UBR3: variants seen among roughly 807,000 people sequenced by gnomAD.
UBR3 encodes the protein E3 ubiquitin-protein ligase UBR3.
In UBR3, 85 loss-of-function variants were observed where a neutral mutation model predicts 243.2. The observed-to-expected ratio is 0.35, with a 90% CI of 0.29 to 0.42. UBR3 has a LOEUF of 0.42. Ranked by LOEUF, UBR3 falls within the 10% of genes least tolerant of loss-of-function variation. UBR3 has a pLI of 1.00. For synonymous variants in UBR3, 748 were observed against 799.8 expected, an observed-to-expected ratio of 0.94 and a Z score of 1.09; for missense variants, 1,686 against 2,300.8, an observed-to-expected ratio of 0.73 and a Z score of 5.47.
In UBR3 at chr2:169,932,989, A is replaced by G. The variant is rs1296172214; in HGVS notation, c.2644A>G (p.Met882Val). ...TVYRRDVQSAMDRYTAFLKQS... is the reference protein window; with the variant it reads ...TVYRRDVQSAVDRYTAFLKQS... ...TTACCGTAGAGATGTGCAGTCTGCA[A>G]TGGACAGATATACTGCATTGTAAGT... Residue 882 changes from methionine (M) to valine (V), a missense_variant, in exon 19 of 39, where the codon ATG becomes GTG. By Grantham distance (21) the Met-to-Val change is conservative. Coordinates refer to ENST00000272793, the MANE Select transcript of UBR3 (RefSeq NM_172070.4). 5.9e-6 allele frequency: 9 copies of G among 1,529,714 alleles called. No individual in the cohort carries two copies. The Admixed American group carries it at 9.1e-5, about 15-fold the overall frequency. The allele number at this position is 1,529,714 out of a possible 1,614,324, so 94.8% of individuals were successfully genotyped here. A position where few individuals can be genotyped will look rare whatever the true frequency, so the allele number is the denominator to read the frequency against.
chr2:169,913,349 GTTTGTTTTTTGTTTTTTTT>G (rs755677179), intron 10 of UBR3, among the ~76,000 whole-genome samples: 5 of 121,844 alleles, frequency 4.1e-5, no homozygotes, highest in Admixed American at 8.6e-5. Flanking sequence ...TTTTTTGTTT[GTTTGTTTTTTGTTTTTTTT>G]TTTGTTTTTG....
chr2:169,936,855 C>G lies in UBR3; in HGVS notation c.2663+3847C>G, dbSNP rs371767821. 2.3e-4 allele frequency among the ~76,000 whole-genome samples: 35 copies of G among 152,316 alleles called. No individual in the cohort carries two copies. The South Asian group carries it at 7.2e-3, about 32-fold the overall frequency. On this transcript the variant is annotated intron_variant, in intron 19 of 38. Transcript: ENST00000272793. The stretch of plus-strand genomic sequence containing the variant: ...GTCCGTACAAAGGACATGAACTCAT[C>G]CTTTTTTATGGCTGCATAGGATTCC...
At chr2:169,890,628 A>G (rs1183821496) in intron 5 of UBR3, among the ~76,000 whole-genome samples, 2 of 127,390 alleles carry the variant, frequency 1.6e-5, no homozygotes, top group Non-Finnish European at 3.3e-5. Context: ...AGCAGAATGT[A>G]TTTCCTTTTT....
chr2:169,999,044 C>A (rs1282134567), intron 26 of UBR3, among the ~76,000 whole-genome samples: 5 of 152,152 alleles, frequency 3.3e-5, no homozygotes, highest in Non-Finnish European at 7.4e-5. Flanking sequence ...TAAGTGTTAT[C>A]CTGCATTTTT....
chr2:169,848,819 C>G (rs191716702), intron 1 of UBR3, among the ~76,000 whole-genome samples: 57 of 151,766 alleles, frequency 3.8e-4, no homozygotes, highest in African/African-American at 1.4e-3. Flanking sequence ...TTTCCTGTTT[C>G]AACCTCCTGA....
chr2:170,045,819 C>CTATA (rs1247225253), intron 32 of UBR3, among the ~76,000 whole-genome samples: 1 of 151,964 alleles, frequency 6.6e-6, no homozygotes, highest in Non-Finnish European at 1.5e-5. Context: ...CATTTTATCT[C>CTATA]TATAGTCTTC....
chr2:170,046,501 G>T (rs902728627), intron 32 of UBR3, among the ~76,000 whole-genome samples: 1 of 152,090 alleles, frequency 6.6e-6, no homozygotes, highest in Non-Finnish European at 1.5e-5. Context: ...TTCTGTCCCT[G>T]TGTGTGTCCT....
intron 20 of UBR3, among the ~76,000 whole-genome samples, chr2:169,943,801 A>G (rs1001145426): frequency 6.6e-6 from 1 of 152,196 alleles, no homozygotes; most frequent in Admixed American, 6.5e-5. Flanking sequence ...TCCAATTACT[A>G]TGTACAATCA....
chr2:169,922,411 G>A (rs73015743), intron 11 of UBR3, among the ~76,000 whole-genome samples: 6,563 of 152,112 alleles, frequency 0.043, 162 homozygotes, highest in Middle Eastern at 0.068. Flanking sequence ...TTATGGTAAT[G>A]GAGGGCAAAC....
intron 35 of UBR3, among the ~76,000 whole-genome samples, chr2:170,064,803 A>ATTTTTTTTTTTTTTTTTT: frequency 1.1e-5 from 1 of 87,878 alleles, no homozygotes; most frequent in Non-Finnish European, 2.2e-5. Flanking sequence ...TGCTTTTTCT[A>ATTTTTTTTTTTTTTTTTT]TTTTTTTTTT....
At chr2:170,075,986 C>T (rs770604569) in intron 36 of UBR3, among the ~76,000 whole-genome samples, 5 of 151,746 alleles carry the variant, frequency 3.3e-5, no homozygotes, top group East Asian at 3.9e-4. Context: ...TAACTGTCAT[C>T]GCTTGGGAAG....
At chr2:169,864,906 CAA>C (rs11336906) in intron 1 of UBR3, among the ~76,000 whole-genome samples, 3 of 64,826 alleles carry the variant, frequency 4.6e-5, no homozygotes, top group African/African-American at 6.2e-5. Flanking sequence ...GACTCCGTCT[CAA>C]AAAAAAAAAA....
chr2:170,018,465 C>A (rs984558174), intron 30 of UBR3, among the ~76,000 whole-genome samples: 4 of 152,156 alleles, frequency 2.6e-5, no homozygotes, highest in Non-Finnish European at 4.4e-5. Context: ...CAGGGAAGAT[C>A]AGGCATTCAG....
chr2:170,019,238 T>C (rs1385780283), intron 30 of UBR3, among the ~76,000 whole-genome samples: 1 of 152,204 alleles, frequency 6.6e-6, no homozygotes, highest in Non-Finnish European at 1.5e-5. Context: ...TTTGATGTAA[T>C]CTATGATCTG....
chr2:169,977,836 C>T (rs1201385042), intron 24 of UBR3, among the ~76,000 whole-genome samples: 1 of 152,160 alleles, frequency 6.6e-6, no homozygotes, highest in African/African-American at 2.4e-5. Context: ...TCGTATTAGC[C>T]ATCAGTTCAT....
intron 11 of UBR3, among the ~76,000 whole-genome samples, chr2:169,917,999 G>T (rs2085530433): frequency 1.3e-5 from 2 of 152,114 alleles, no homozygotes; most frequent in Admixed American, 6.5e-5. Flanking sequence ...CACTGTGCTG[G>T]GTCCATGTCA....
intron 17 of UBR3, among the ~76,000 whole-genome samples, chr2:169,928,458 G>A (rs930985129): frequency 6.6e-6 from 1 of 151,972 alleles, no homozygotes; most frequent in African/African-American, 2.4e-5. Flanking sequence ...TCTGAAATTT[G>A]ATAAATTTAT....
At chr2:170,011,367 T>G (rs576679108) in intron 29 of UBR3, among the ~76,000 whole-genome samples, 255 of 152,270 alleles carry the variant, frequency 1.7e-3, no homozygotes, top group African/African-American at 5.8e-3. Context: ...TTAGCAATAT[T>G]TAAATATTTA....
At chr2:170,000,924 T>A (rs1211745094) in intron 26 of UBR3, among the ~76,000 whole-genome samples, 1 of 152,144 alleles carries the variant, frequency 6.6e-6, no homozygotes, top group Non-Finnish European at 1.5e-5. Flanking sequence ...AGTAGGCGTT[T>A]CAAGAAGTAA....
Sources: gnomAD v4.1 joint callset for allele counts (sites outside exome capture counted in the v4.1 genomes callset) on GRCh38, gnomAD v4.1.1 for gene constraint, MANE v1.5 for transcripts, NCBI Gene and HGNC (gene_info 2026-07-23, HGNC 2026-07-21) for gene names.